Variants in WLS observed in about 807,000 individuals in gnomAD.
WLS encodes protein wntless homolog.
WLS carries 23 observed loss-of-function variants against 62.8 expected under a neutral mutation model. The ratio of observed to expected loss-of-function variants is 0.37; its 90% confidence interval spans 0.26 to 0.52. The LOEUF is 0.52. WLS is among the 20% of genes least tolerant of loss of function. WLS has a pLI of 0.92. For missense variants in WLS, 615 were observed against 697.3 expected (o/e 0.88, Z 1.33); for synonymous variants, 246 against 244.1 (o/e 1.01, Z -0.07).
At chr1:68,227,341 C>G (rs113992033) in intron 1 of WLS, among the ~76,000 whole-genome samples, 4 of 148,076 alleles carry the variant, frequency 2.7e-5, no homozygotes, top group Non-Finnish European at 4.4e-5. Context: ...CACTTGAACC[C>G]GGGAGGCGGA....
At chr1:68,110,252 T>C (rs926184008) in intron 11 of WLS, among the ~76,000 whole-genome samples, 1 of 151,930 alleles carries the variant, frequency 6.6e-6, no homozygotes, top group Non-Finnish European at 1.5e-5. Flanking sequence ...TGAAAAAATA[T>C]TTTAAGTGCC....
chr1:68,227,965 T>C (rs1650234060), intron 1 of WLS, among the ~76,000 whole-genome samples: 1 of 152,182 alleles, frequency 6.6e-6, no homozygotes, highest in Non-Finnish European at 1.5e-5. Flanking sequence ...CTCACATAAA[T>C]GGGTCACAGT....
intron 1 of WLS, among the ~76,000 whole-genome samples, chr1:68,206,233 A>G (rs1649274239): frequency 6.6e-6 from 1 of 152,236 alleles, no homozygotes; most frequent in African/African-American, 2.4e-5. Flanking sequence ...CTGGAGATGT[A>G]TAGCTTGTTT....
chr1:68,232,460 C>T lies in WLS; in HGVS notation c.-161G>A, dbSNP rs1396370286. On this transcript the variant is annotated 5_prime_UTR_variant, in exon 1 of 12. Transcript: ENST00000262348. Reference sequence around the variant, plus strand: ...GCGAGGATGGGACCGGGACGGAAGGCGCCCGCACGGATTCCCCCGGCGCAG... The same window carrying T: ...GCGAGGATGGGACCGGGACGGAAGGTGCCCGCACGGATTCCCCCGGCGCAG... 24 of 1,363,530 alleles carry T rather than the reference C, an allele frequency of 1.8e-5. 1 individual carries two copies. The South Asian group carries it at 3.8e-4, about 21-fold the overall frequency. The allele number at this position is 1,363,530 out of a possible 1,614,324, so 84.5% of individuals were successfully genotyped here.
chr1:68,130,140 G>A (rs532800428), intron 11 of WLS, among the ~76,000 whole-genome samples: 43 of 152,312 alleles, frequency 2.8e-4, no homozygotes, highest in African/African-American at 9.9e-4. Context: ...ATATGCACTG[G>A]AGACAGCTTC....
rs773945533 is a variant in WLS, at chr1:68,144,622, G to A, written c.1309C>T (p.Leu437Phe). ...ATGGCAGCGCAGGCCAAGGTGATAA[G>A]CATGAGGAACTTGAACCTAAAAATT... The part of the protein sequence containing the change: ...GLIFRFKFLM[L>F]ITLACAAMTV... Residue 437 changes from leucine (L) to phenylalanine (F), a missense_variant, in exon 10 of 12, where the codon CTT becomes TTT. Physicochemically the swap from Leu to Phe is conservative, Grantham distance 22. Transcript: ENST00000262348. 5.0e-6 allele frequency: 8 copies of A among 1,613,550 alleles called. No individual in the cohort carries two copies. The highest frequency in any genetic ancestry group is 4.0e-5 in the African/African-American group (3 of 74,904).
rs141726686 is a variant in WLS at position 68,146,121 on chromosome 1, G to A, written c.1135-109C>T. 1.8e-5 allele frequency: 23 copies of A among 1,300,238 alleles called. No individual in the cohort carries two copies. The East Asian group carries it at 5.6e-4, about 32-fold the overall frequency. The allele number at this position is 1,300,238 out of a possible 1,614,324, so 80.5% of individuals were successfully genotyped here. A position where few individuals can be genotyped will look rare whatever the true frequency, so the allele number is the denominator to read the frequency against. ...CAATACTTGTTTTGTCTCCAAATATGTAGAAAATTTTCAAGGGGATAAAAT... is the reference window on the plus strand; with the variant it reads ...CAATACTTGTTTTGTCTCCAAATATATAGAAAATTTTCAAGGGGATAAAAT... On this transcript the variant is annotated intron_variant, in intron 8 of 11. Transcript: ENST00000262348.
At chr1:68,133,184 CAT>C (rs1434433628) in intron 11 of WLS, among the ~76,000 whole-genome samples, 5 of 152,206 alleles carry the variant, frequency 3.3e-5, no homozygotes, top group South Asian at 2.1e-4. Context: ...CACTCAGACA[CAT>C]ATGCATAAAA....
chr1:68,208,697 G>C (rs977614824), intron 1 of WLS, among the ~76,000 whole-genome samples: 2 of 152,194 alleles, frequency 1.3e-5, no homozygotes, highest in African/African-American at 4.8e-5. Flanking sequence ...GACCAAAGAG[G>C]CTATGTCTTC....
intron 1 of WLS, among the ~76,000 whole-genome samples, chr1:68,204,283 T>A (rs1649178526): frequency 6.6e-6 from 1 of 152,164 alleles, no homozygotes; most frequent in Non-Finnish European, 1.5e-5. Flanking sequence ...AAGGGTAACT[T>A]GCAGTTTTAA....
At chr1:68,231,617 C>T (rs1650424025) in intron 1 of WLS, 1 of 393,454 alleles carries the variant, frequency 2.5e-6, no homozygotes, top group Middle Eastern at 3.7e-4. Context: ...GGGTGGAGTG[C>T]GGCGGGAAAG....
At chr1:68,127,111 C>A in intron 11 of WLS, 1 of 409,182 alleles carries the variant, frequency 2.4e-6, no homozygotes, top group Non-Finnish European at 4.9e-6. Flanking sequence ...AGGAGGATCA[C>A]TGGAGCACAG....
intron 4 of WLS, among the ~76,000 whole-genome samples, chr1:68,154,317 A>AT (rs1276611703): frequency 1.3e-5 from 2 of 152,038 alleles, no homozygotes; most frequent in East Asian, 3.9e-4. Flanking sequence ...TACATGATCA[A>AT]TTTTTTTTGT....
chr1:68,134,339 C>G (rs550012090), intron 11 of WLS, among the ~76,000 whole-genome samples: 2 of 152,246 alleles, frequency 1.3e-5, no homozygotes, highest in African/African-American at 4.8e-5. Flanking sequence ...CTTCCAAATG[C>G]ACAAGGTCAC....
At chr1:68,101,019 CA>C (rs1162469461) in intron 11 of WLS, among the ~76,000 whole-genome samples, 2 of 152,172 alleles carry the variant, frequency 1.3e-5, no homozygotes, top group Non-Finnish European at 2.9e-5. Context: ...AACCGTTCAG[CA>C]TAAATTCCTG....
chr1:68,198,564 C>T (rs941329274), intron 1 of WLS, among the ~76,000 whole-genome samples: 6 of 152,124 alleles, frequency 3.9e-5, no homozygotes, highest in African/African-American at 1.4e-4. Context: ...CTCAGTTACA[C>T]ACATTACTAT....
At chr1:68,191,511 A>T (rs1287728290) in intron 2 of WLS, among the ~76,000 whole-genome samples, 1 of 152,176 alleles carries the variant, frequency 6.6e-6, no homozygotes, top group Non-Finnish European at 1.5e-5. Context: ...ATAGCACATA[A>T]CATGTTTTTT....
At chr1:68,167,937 C>T (rs568295781) in intron 2 of WLS, among the ~76,000 whole-genome samples, 3 of 151,072 alleles carry the variant, frequency 2.0e-5, no homozygotes, top group African/African-American at 7.4e-5. Flanking sequence ...ACAGAAAGAT[C>T]CATGCCTTTC....
intron 2 of WLS, among the ~76,000 whole-genome samples, chr1:68,193,147 A>G (rs1648432756): frequency 6.6e-6 from 1 of 151,550 alleles, no homozygotes; most frequent in Non-Finnish European, 1.5e-5. Flanking sequence ...AAAAGAAATA[A>G]TGTTTCAATC....
Sources: gnomAD v4.1 joint callset for allele counts (sites outside exome capture counted in the v4.1 genomes callset) on GRCh38, gnomAD v4.1.1 for gene constraint, MANE v1.5 for transcripts, NCBI Gene and HGNC (gene_info 2026-07-23, HGNC 2026-07-21) for gene names.